TBC1D17: variants seen among roughly 807,000 people sequenced by gnomAD.
TBC1D17 encodes TBC1 domain family, member 17.
In TBC1D17, 69 loss-of-function variants were observed where a neutral mutation model predicts 78.8. The ratio of observed to expected loss-of-function variants is 0.88; its 90% CI spans 0.72 to 1.07. The LOEUF is 1.07. Ranked by LOEUF, TBC1D17 falls within the 50% of genes least tolerant of loss-of-function variation. The pLI is 0.00. For synonymous variants in TBC1D17, 456 were observed against 358.3 expected (o/e 1.27, Z -3.08); for missense variants, 957 against 861.0 (o/e 1.11, Z -1.39).
chr19:49,886,528 T>C (rs763583925), intron 13 of TBC1D17: 2 of 152,210 alleles, frequency 1.3e-5, no homozygotes, highest in Admixed American at 1.3e-4. Flanking sequence ...CGCGGCATTG[T>C]GTCCACCTGC....
At position 49,888,732 on chromosome 19, in the gene TBC1D17, C is replaced by T. The variant is rs2075089216; in HGVS notation, c.*108C>T. The T allele has an allele frequency of 9.5e-7, 1 of 1,054,188 alleles. No individual in the cohort carries two copies. Among genetic ancestry groups the T allele is most frequent in the South Asian group, 1.7e-5 (1 of 60,380 alleles). The allele number at this position is 1,054,188 out of a possible 1,614,324, so 65.3% of individuals were successfully genotyped here. On this transcript the variant is annotated 3_prime_UTR_variant, in exon 17 of 17. Coordinates refer to ENST00000221543, the MANE Select transcript of TBC1D17 (RefSeq NM_024682.3). ...CTGCTGATAAGCTGGCTTCATTAAACTGACACTTCTCATGTGCAGTTGGCT... is the reference window on the plus strand; with the variant it reads ...CTGCTGATAAGCTGGCTTCATTAAATTGACACTTCTCATGTGCAGTTGGCT...
intron 10 of TBC1D17, 73 bp downstream of exon 10, chr19:49,883,818 G>C (rs886121439): frequency 7.4e-7 from 1 of 1,343,632 alleles, no homozygotes; most frequent in African/African-American, 1.4e-5. Flanking sequence ...ATAAGTGCGA[G>C]TGGGAGATAG....
At chr19:49,878,105 G>A (rs752183948) in intron 1 of TBC1D17, 38 bp from the exon 2 acceptor site, 35 of 1,530,124 alleles carry the variant, frequency 2.3e-5, no homozygotes, top group Admixed American at 1.2e-4. Context: ...TGGTCCCCTC[G>A]CTTGGGCCCC....
At chr19:49,882,728 C>T (rs372671650) in intron 7 of TBC1D17, 36 bp from the exon 8 acceptor site, 88 of 1,496,124 alleles carry the variant, frequency 5.9e-5, no homozygotes, top group South Asian at 1.2e-4. Flanking sequence ...CCCACCACCC[C>T]GCCGAGCCCC....
In TBC1D17 at chr19:49,877,713, C is replaced by T; in HGVS notation, c.-11C>T. The T allele has an allele frequency of 1.2e-6, 2 of 1,600,398 alleles. No individual in the cohort carries two copies. Among genetic ancestry groups the T allele is most frequent in the South Asian group, 1.1e-5 (1 of 88,350 alleles). On this transcript the variant is annotated 5_prime_UTR_variant, in exon 1 of 17. Transcript: ENST00000221543. ...GGAGGAGGCGGGGCAGTGGGGCCTT[C>T]GGCGGCGACTATGGAAGGAGCCGGC...
intron 16 of TBC1D17, 24 bp downstream of exon 16, chr19:49,888,341 CGCCCCGCCCGA>C (rs965762586): frequency 6.5e-7 from 1 of 1,547,622 alleles, no homozygotes; most frequent in Non-Finnish European, 8.7e-7. Context: ...CGCCCCGCAG[CGCCCCGCCCGA>C]ACCCCGACCG....
chr19:49,884,180 C>T (rs1278647522), intron 10 of TBC1D17, 73 bp from the exon 11 acceptor site: 9 of 1,371,220 alleles, frequency 6.6e-6, no homozygotes, highest in African/African-American at 1.4e-5. Flanking sequence ...GCAGTGGGGG[C>T]TGGCACTGGT....
At position 49,888,306 on chromosome 19, in the gene TBC1D17, A is replaced by C. The variant is rs1481784773; in HGVS notation, c.1735A>C (p.Thr579Pro). 1.9e-6 allele frequency: 3 copies of C among 1,583,434 alleles called. No individual in the cohort carries two copies. The highest frequency in any genetic ancestry group is 2.6e-6 in the Non-Finnish European group (3 of 1,165,720). The change falls in exon 16 of 17, where the codon ACC becomes CCC. Residue 579 changes from threonine to proline, a missense_variant. Transcript: ENST00000221543. Reference protein sequence around the residue: ...TRAEALHRQLTACPELPHNVQ... With the variant: ...TRAEALHRQLPACPELPHNVQ... ...CGCCGAGGCCCTGCACCGCCAGCTA[A>C]CCGCCTGCCCCGTGAGTCCCCGTCC...
At chr19:49,887,649 G>T in intron 14 of TBC1D17, 69 bp from the exon 15 acceptor site, 5 of 1,609,298 alleles carry the variant, frequency 3.1e-6, no homozygotes, top group Non-Finnish European at 4.3e-6. Context: ...GAGAGGGACA[G>T]ACCCTGGTGG....
At position 49,883,785 on chromosome 19, in the gene TBC1D17, G is replaced by A. The variant is rs370536180; in HGVS notation, c.1126+40G>A. 56 of 1,558,824 alleles carry A rather than the reference G, an allele frequency of 3.6e-5. No individual in the cohort carries two copies. In the African/African-American group the frequency reaches 7.1e-4, roughly 20 times the overall value. On this transcript the variant is annotated intron_variant, in intron 10 of 16. Coordinates refer to ENST00000221543, the MANE Select transcript of TBC1D17 (RefSeq NM_024682.3). ...TGGCACTTAGGGTGGATGGGAGCAGGGAACCACAGGAGGGCCTCAGGCATA... is the reference window on the plus strand; with the variant it reads ...TGGCACTTAGGGTGGATGGGAGCAGAGAACCACAGGAGGGCCTCAGGCATA...
intron 5 of TBC1D17, 52 bp downstream of exon 5, chr19:49,881,527 CT>C: frequency 6.4e-7 from 1 of 1,553,932 alleles, no homozygotes; most frequent in Admixed American, 1.7e-5. Context: ...CCCACCATGG[CT>C]GCAGCGTGAC....
rs2122483011 is a variant in TBC1D17 at position 49,888,342 on chromosome 19, G to T, written c.1746+25G>T. On this transcript the variant is annotated intron_variant, in intron 16 of 16. Coordinates refer to ENST00000221543, the MANE Select transcript of TBC1D17 (RefSeq NM_024682.3). Reference sequence around the variant, plus strand: ...CGTGAGTCCCCGTCCGCCCCGCAGCGCCCCGCCCGAACCCCGACCGACCCC... The same window carrying T: ...CGTGAGTCCCCGTCCGCCCCGCAGCTCCCCGCCCGAACCCCGACCGACCCC... 6 of 1,503,724 alleles carry T rather than the reference G, an allele frequency of 4.0e-6. No individual in the cohort carries two copies. In the South Asian group the frequency reaches 7.2e-5, roughly 18 times the overall value. The allele number at this position is 1,503,724 out of a possible 1,614,324, so 93.1% of individuals were successfully genotyped here. A position where few individuals can be genotyped will look rare whatever the true frequency, so the allele number is the denominator to read the frequency against.
At position 49,888,464 on chromosome 19, in the gene TBC1D17, C is replaced by T. The variant is rs759621360; in HGVS notation, c.1787C>T (p.Pro596Leu). 1.1e-4 allele frequency: 180 copies of T among 1,597,930 alleles called. 1 individual carries two copies. The Admixed American group carries it at 1.6e-3, about 14-fold the overall frequency. The change falls in exon 17 of 17, where the codon CCG becomes CTG. Residue 596 changes from proline to leucine, a missense_variant. Physicochemically the swap from Pro to Leu is moderately conservative, Grantham distance 98. Transcript: ENST00000221543. ...HNVQEILGLA[P>L]PAEPHSPSPT... ...GTGCAGGAGATCCTGGGGCTGGCCC[C>T]GCCCGCAGAGCCCCACAGCCCCTCG...
intron 5 of TBC1D17, 43 bp from the exon 6 acceptor site, chr19:49,881,998 C>A: frequency 6.5e-7 from 1 of 1,529,930 alleles, no homozygotes; most frequent in Non-Finnish European, 9.0e-7. Flanking sequence ...GGACACTGGG[C>A]CCCTACCTGT....
rs536191876 is a variant in TBC1D17, at chr19:49,884,277, G to A, written c.1151G>A (p.Arg384Lys). Reference protein sequence around the residue: ...LIERDVSRTDRTNKFYEGPEN... With the variant: ...LIERDVSRTDKTNKFYEGPEN... ...GAAAGGGATGTGAGCCGCACTGACAGGACCAACAAGTTCTACGAGGGTCCC... is the reference window on the plus strand; with the variant it reads ...GAAAGGGATGTGAGCCGCACTGACAAGACCAACAAGTTCTACGAGGGTCCC... Residue 384 changes from arginine to lysine, a missense_variant, in exon 11 of 17, where the codon AGG becomes AAG. Physicochemically the swap from Arg to Lys is conservative, Grantham distance 26. Transcript: ENST00000221543. 2 of 1,613,968 alleles carry A rather than the reference G, an allele frequency of 1.2e-6. No individual in the cohort carries two copies. Among genetic ancestry groups the A allele is most frequent in the African/African-American group, 2.7e-5 (2 of 75,056 alleles).
chr19:49,877,800 T>C (rs116089147), intron 1 of TBC1D17, 56 bp downstream of exon 1: 85 of 1,547,998 alleles, frequency 5.5e-5, no homozygotes, highest in Non-Finnish European at 7.4e-5. Flanking sequence ...CCCCGTCTAG[T>C]GATCAGCTCT....
Position 49,883,672 on chromosome 19 carries a change from G to T in TBC1D17, c.1053G>T (p.Lys351Asn). 2 of 1,613,996 alleles carry T rather than the reference G, an allele frequency of 1.2e-6. No homozygotes were observed. The highest frequency in any genetic ancestry group is 1.7e-6 in the Non-Finnish European group (2 of 1,179,956). The change falls in exon 10 of 17, where the codon AAG becomes AAT. Residue 351 changes from lysine (K) to asparagine (N), a missense_variant. Lys to Asn is a moderately conservative substitution (Grantham distance 94). Coordinates refer to ENST00000221543, the MANE Select transcript of TBC1D17 (RefSeq NM_024682.3). ...RKKTDEYFRM[K>N]LQWKSVSPEQ... ...TCAGGGATGAGTATTTCCGCATGAA[G>T]CTGCAGTGGAAATCTGTGAGCCCTG...
chr19:49,882,631 A>C, intron 7 of TBC1D17, 133 bp from the exon 8 acceptor site: 1 of 1,407,054 alleles, frequency 7.1e-7, no homozygotes, highest in East Asian at 2.5e-5. Flanking sequence ...TGAGCCCCGG[A>C]AGAGGCTGCT....
intron 9 of TBC1D17, 110 bp downstream of exon 9, chr19:49,883,186 C>A: frequency 1.1e-6 from 1 of 943,556 alleles, no homozygotes; most frequent in Non-Finnish European, 1.6e-6. Context: ...ATCTGGGCAC[C>A]ATCCTGCGCC....
Sources: gnomAD v4.1 joint callset for allele counts on GRCh38, gnomAD v4.1.1 for gene constraint, MANE v1.5 for transcripts, NCBI Gene and HGNC (gene_info 2026-07-23, HGNC 2026-07-21) for gene names.